The following PTPRN2 variants were observed in gnomAD, a reference collection of about 807,000 sequenced individuals.
The protein encoded by PTPRN2 is receptor-type tyrosine-protein phosphatase N2.
PTPRN2 carries 74 observed loss-of-function variants against 118.8 expected under a neutral mutation model. The ratio of observed to expected loss-of-function variants is 0.62; its 90% CI spans 0.52 to 0.76. The LOEUF (loss-of-function observed/expected upper bound fraction) is 0.76, where lower values mean the gene tolerates loss of function less well. Among genes scored for constraint, PTPRN2 ranks in the 30% least tolerant of loss-of-function variants. The pLI, the probability that PTPRN2 is intolerant of heterozygous loss-of-function variation, is 0.00. For missense variants in PTPRN2, 1,481 were observed against 1,394.4 expected, an observed-to-expected ratio of 1.06 and a Z score of -0.99; for synonymous variants, 641 against 608.0, an observed-to-expected ratio of 1.05 and a Z score of -0.80.
chr7:158,294,490 C>T (rs1388397016), intron 3 of PTPRN2, among the ~76,000 whole-genome samples: 2 of 152,306 alleles, frequency 1.3e-5, no homozygotes, highest in South Asian at 2.1e-4. Context: ...GAATCACAGA[C>T]GTTCCATTTC....
intron 3 of PTPRN2, among the ~76,000 whole-genome samples, chr7:158,270,783 A>ACCGC (rs1798298855): frequency 9.8e-5 from 5 of 51,262 alleles, no homozygotes; most frequent in African/African-American, 4.5e-4. Flanking sequence ...CACCTGGACC[A>ACCGC]CCCCTCCACC....
chr7:157,568,226 T>G (rs1331850427), intron 21 of PTPRN2, among the ~76,000 whole-genome samples: 3 of 152,168 alleles, frequency 2.0e-5, no homozygotes, highest in Non-Finnish European at 2.9e-5. Context: ...CTGCGCCTCA[T>G]GTCTAAGACT....
chr7:158,292,212 C>T (rs990491859), intron 3 of PTPRN2, among the ~76,000 whole-genome samples: 3 of 152,202 alleles, frequency 2.0e-5, no homozygotes, highest in Non-Finnish European at 4.4e-5. Context: ...GTTGAGACAT[C>T]TAATTCTCCT....
At position 158,093,547 on chromosome 7, in the gene PTPRN2, C is replaced by A. The variant is rs1814386448; in HGVS notation, c.1644-12170G>T. ...CCCACAGCTTGGTGCTGGGCTAATC[C>A]AAGCTACCGACAGAAAACCAATAAA... On this transcript the variant is annotated intron_variant, in intron 10 of 22. Coordinates refer to ENST00000389418, the MANE Select transcript of PTPRN2 (RefSeq NM_002847.5). The surrounding 1 kb of genome is among the most constrained non-coding windows in gnomAD (Gnocchi z 4.4). 6.6e-6 allele frequency among the ~76,000 whole-genome samples: 1 copy of A among 152,192 alleles called. No homozygotes were observed. The highest frequency in any genetic ancestry group is 1.9e-4 in the East Asian group (1 of 5,196).
At chr7:157,670,331 G>C in intron 13 of PTPRN2, among the ~76,000 whole-genome samples, 1 of 152,090 alleles carries the variant, frequency 6.6e-6, no homozygotes, top group East Asian at 1.9e-4. Context: ...CTTAGGGACT[G>C]CCTCTCCCCT....
chr7:157,635,312 A>T (rs535292319), intron 14 of PTPRN2, among the ~76,000 whole-genome samples: 1 of 152,240 alleles, frequency 6.6e-6, no homozygotes, highest in Non-Finnish European at 1.5e-5. Context: ...GGAATGTGGG[A>T]GTGCCTCCCA....
intron 6 of PTPRN2, among the ~76,000 whole-genome samples, chr7:158,149,085 A>G (rs1820585329): frequency 7.0e-6 from 1 of 143,584 alleles, no homozygotes; most frequent in Non-Finnish European, 1.5e-5. Context: ...CCCCTCACTG[A>G]CACCCCATCT....
intron 3 of PTPRN2, among the ~76,000 whole-genome samples, chr7:158,240,802 G>A (rs1795864167): frequency 6.6e-6 from 1 of 152,212 alleles, no homozygotes; most frequent in South Asian, 2.1e-4. Flanking sequence ...TTGATTCAAT[G>A]GGGAGGCATA....
At chr7:158,330,351 G>C (rs1383754859) in intron 2 of PTPRN2, among the ~76,000 whole-genome samples, 1 of 3,584 alleles carries the variant, frequency 2.8e-4, no homozygotes, top group Non-Finnish European at 4.8e-4. Context: ...TCACCCTGAG[G>C]TGACATCTGC....
intron 1 of PTPRN2, among the ~76,000 whole-genome samples, chr7:158,493,425 GCA>G (rs1233904471): frequency 3.9e-4 from 1 of 2,570 alleles, no homozygotes. Flanking sequence ...GTACACGTAT[GCA>G]CACACGTACA....
intron 12 of PTPRN2, among the ~76,000 whole-genome samples, chr7:157,701,111 C>T (rs1204098196): frequency 6.6e-5 from 10 of 152,138 alleles, no homozygotes; most frequent in African/African-American, 2.2e-4. Flanking sequence ...CCAGAGAAAC[C>T]GTGGAATTCA....
At chr7:158,522,819 G>A (rs186867078) in intron 1 of PTPRN2, among the ~76,000 whole-genome samples, 37 of 152,208 alleles carry the variant, frequency 2.4e-4, no homozygotes, top group South Asian at 8.3e-4. Flanking sequence ...TCACCATCAC[G>A]AGTTCTTCCA....
At chr7:157,557,229 G>GCA (rs757105364) in intron 21 of PTPRN2, among the ~76,000 whole-genome samples, 9 of 142,386 alleles carry the variant, frequency 6.3e-5, no homozygotes, top group Non-Finnish European at 1.4e-4. Context: ...TCATACATAT[G>GCA]CACACACACA....
chr7:157,897,003 C>A (rs1383870338), intron 12 of PTPRN2, among the ~76,000 whole-genome samples: 3 of 152,128 alleles, frequency 2.0e-5, no homozygotes, highest in African/African-American at 2.4e-5. Flanking sequence ...TCCCCACCCA[C>A]CACAGCCGCT....
chr7:157,698,611 G>A (rs1383327233), intron 12 of PTPRN2, among the ~76,000 whole-genome samples: 2 of 152,344 alleles, frequency 1.3e-5, no homozygotes, highest in East Asian at 3.9e-4. Context: ...ACTATTATTA[G>A]TTTTGTCCAT....
At chr7:158,194,706 C>T (rs1826074200) in intron 4 of PTPRN2, among the ~76,000 whole-genome samples, 1 of 152,214 alleles carries the variant, frequency 6.6e-6, no homozygotes, top group Non-Finnish European at 1.5e-5. Context: ...GCACTGGCTG[C>T]CTCAGAGCCC....
chr7:158,504,329 A>G (rs895115191), intron 1 of PTPRN2, among the ~76,000 whole-genome samples: 4 of 152,046 alleles, frequency 2.6e-5, no homozygotes, highest in African/African-American at 9.7e-5. Flanking sequence ...TCCATTAGCA[A>G]TTATTCCTGT....
intron 5 of PTPRN2, among the ~76,000 whole-genome samples, chr7:158,180,216 C>G (rs1333928034): frequency 6.6e-6 from 1 of 152,224 alleles, no homozygotes; most frequent in Non-Finnish European, 1.5e-5. Flanking sequence ...TTACCAAAAC[C>G]ATTTATCAAA....
chr7:157,935,191 G>A (rs932225250), intron 11 of PTPRN2, among the ~76,000 whole-genome samples: 44 of 152,178 alleles, frequency 2.9e-4, no homozygotes, highest in African/African-American at 1.1e-3. Flanking sequence ...CAGGTGGAGG[G>A]TGGGTAGGGT....
Sources: gnomAD v4.1 joint callset for allele counts (sites outside exome capture counted in the v4.1 genomes callset) on GRCh38, gnomAD v4.1.1 for gene constraint, Gnocchi (gnomAD v3.1) non-coding constraint, MANE v1.5 for transcripts, NCBI Gene and HGNC (gene_info 2026-07-23, HGNC 2026-07-21) for gene names.